CRPPA: variants seen among roughly 807,000 people sequenced by gnomAD.
The protein encoded by CRPPA is CDP-L-ribitol pyrophosphorylase A, also known as D-ribitol-5-phosphate cytidylyltransferase.
CRPPA carries 43 observed loss-of-function variants against 52.0 expected under a neutral mutation model. The ratio of observed to expected loss-of-function variants is 0.83; its 90% CI spans 0.65 to 1.07. The LOEUF (loss-of-function observed/expected upper bound fraction) is 1.07. Ranked by LOEUF, CRPPA falls within the 50% of genes least tolerant of loss-of-function variation. CRPPA has a pLI of 0.00. For synonymous variants in CRPPA, 250 were observed against 203.5 expected, an observed-to-expected ratio of 1.23 and a Z score of -1.94; for missense variants, 629 against 551.7, an observed-to-expected ratio of 1.14 and a Z score of -1.40.
chr7:16,154,381 T>TC (rs780539805), intron 9 of CRPPA, among the ~76,000 whole-genome samples: 16 of 152,130 alleles, frequency 1.1e-4, no homozygotes, highest in Middle Eastern at 3.4e-3. Flanking sequence ...GTGTGTGTGT[T>TC]CCCCTCTCTG....
intron 5 of CRPPA, among the ~76,000 whole-genome samples, chr7:16,300,107 A>T (rs1011421531): frequency 3.3e-5 from 5 of 152,220 alleles, no homozygotes; most frequent in Admixed American, 3.3e-4. Flanking sequence ...ATTTATAGCT[A>T]TAAATGGTCT....
intron 2 of CRPPA, among the ~76,000 whole-genome samples, chr7:16,392,015 T>C (rs1787459130): frequency 6.6e-6 from 1 of 152,182 alleles, no homozygotes; most frequent in Admixed American, 6.5e-5. Flanking sequence ...GCACCCTGTA[T>C]TTGTAGTCTA....
At chr7:16,302,506 C>T (rs1784810849) in intron 4 of CRPPA, among the ~76,000 whole-genome samples, 1 of 152,084 alleles carries the variant, frequency 6.6e-6, no homozygotes, top group Non-Finnish European at 1.5e-5. Flanking sequence ...AATAATGACA[C>T]AGTATAAATA....
intron 8 of CRPPA, among the ~76,000 whole-genome samples, chr7:16,238,300 C>T (rs1041606675): frequency 6.6e-6 from 1 of 152,048 alleles, no homozygotes; most frequent in Non-Finnish European, 1.5e-5. Context: ...TAAATCAATA[C>T]TATGTGAATC....
chr7:16,393,077 T>C (rs1562675947), intron 2 of CRPPA, among the ~76,000 whole-genome samples: 1 of 152,082 alleles, frequency 6.6e-6, no homozygotes, highest in African/African-American at 2.4e-5. Flanking sequence ...CCAACAACTA[T>C]AAGATACAAT....
chr7:16,415,877 TTCCCTA>T (rs550848242), intron 1 of CRPPA, among the ~76,000 whole-genome samples: 249 of 152,320 alleles, frequency 1.6e-3, no homozygotes, highest in Non-Finnish European at 3.1e-3. Flanking sequence ...TTCCTTACAT[TTCCCTA>T]TCCCAATTTA....
rs373551015 is a variant in CRPPA, at chr7:16,347,459, C to G, written c.684+28633G>C. ...AAGATCCACTTTACCCAGGTGCAAA[C>G]TGAATAGAGTTCTACCATGTTTTGA... On this transcript the variant is annotated intron_variant, in intron 3 of 9. Coordinates refer to ENST00000407010, the MANE Select transcript of CRPPA (RefSeq NM_001101426.4). Among the ~76,000 whole-genome samples, 8 of 152,240 alleles carry G rather than the reference C, an allele frequency of 5.3e-5. No homozygotes were observed. In the East Asian group the frequency reaches 1.5e-3, roughly 29 times the overall value.
chr7:16,186,442 C>G (rs377718995), intron 9 of CRPPA, among the ~76,000 whole-genome samples: 2 of 152,296 alleles, frequency 1.3e-5, no homozygotes, highest in African/African-American at 2.4e-5. Flanking sequence ...TCCAACCATG[C>G]TGGCACCCTA....
At chr7:16,154,573 G>A (rs1357495623) in intron 9 of CRPPA, among the ~76,000 whole-genome samples, 2 of 152,116 alleles carry the variant, frequency 1.3e-5, no homozygotes, top group Admixed American at 6.6e-5. Context: ...AATAAAAAAT[G>A]TGTGCCCAAG....
chr7:16,389,387 T>C (rs1008602459), intron 2 of CRPPA, among the ~76,000 whole-genome samples: 7 of 151,882 alleles, frequency 4.6e-5, no homozygotes, highest in Non-Finnish European at 5.9e-5. Context: ...TTCAGCAACA[T>C]ATAAAAAAGC....
At chr7:16,176,551 A>G (rs1781300500) in intron 9 of CRPPA, among the ~76,000 whole-genome samples, 1 of 152,136 alleles carries the variant, frequency 6.6e-6, no homozygotes, top group South Asian at 2.1e-4. Flanking sequence ...GCAACTCTCA[A>G]TTATACATTT....
At chr7:16,141,241 T>C (rs1782863825) in intron 9 of CRPPA, among the ~76,000 whole-genome samples, 4 of 152,178 alleles carry the variant, frequency 2.6e-5, no homozygotes, top group Admixed American at 2.6e-4. Context: ...CCCCTATATC[T>C]TCCTAAATCC....
At chr7:16,255,613 G>C (rs1433045331) in intron 8 of CRPPA, among the ~76,000 whole-genome samples, 1 of 152,118 alleles carries the variant, frequency 6.6e-6, no homozygotes, top group Non-Finnish European at 1.5e-5. Context: ...CAATGGAACA[G>C]AACAGAGACC....
At chr7:16,197,506 ATT>A (rs931951843) in intron 9 of CRPPA, among the ~76,000 whole-genome samples, 3 of 142,322 alleles carry the variant, frequency 2.1e-5, no homozygotes, top group Non-Finnish European at 1.5e-5. Context: ...CTTGCGCAGC[ATT>A]TTTTTTTTTT....
At chr7:16,235,076 T>A (rs1583453402) in intron 8 of CRPPA, among the ~76,000 whole-genome samples, 1 of 151,990 alleles carries the variant, frequency 6.6e-6, no homozygotes, top group Admixed American at 6.6e-5. Flanking sequence ...GTTTTGTCCA[T>A]TAAGAGATGA....
chr7:16,115,853 T>G (rs1782359889), intron 9 of CRPPA, among the ~76,000 whole-genome samples: 1 of 151,966 alleles, frequency 6.6e-6, no homozygotes, highest in South Asian at 2.1e-4. Context: ...TACTAATGAG[T>G]TCATTCAGAT....
intron 2 of CRPPA, among the ~76,000 whole-genome samples, chr7:16,390,994 A>C (rs1285082275): frequency 1.3e-5 from 2 of 152,086 alleles, no homozygotes; most frequent in Non-Finnish European, 2.9e-5. Context: ...TCTATTAATG[A>C]CCACATGAAG....
intron 2 of CRPPA, among the ~76,000 whole-genome samples, chr7:16,387,058 T>TAC (rs1469876290): frequency 1.4e-5 from 1 of 72,650 alleles, no homozygotes; most frequent in African/African-American, 8.0e-5. Flanking sequence ...TATATATATA[T>TAC]ATATATATAT....
intron 3 of CRPPA, among the ~76,000 whole-genome samples, chr7:16,360,384 G>C (rs1017305953): frequency 6.6e-6 from 1 of 152,098 alleles, no homozygotes; most frequent in Non-Finnish European, 1.5e-5. Flanking sequence ...TTACATTAAG[G>C]AGTACTTTAT....
Sources: gnomAD v4.1 joint callset for allele counts (sites outside exome capture counted in the v4.1 genomes callset) on GRCh38, gnomAD v4.1.1 for gene constraint, MANE v1.5 for transcripts, NCBI Gene and HGNC (gene_info 2026-07-23, HGNC 2026-07-21) for gene names.